The following PLPPR4 variants were observed in gnomAD, a reference collection of about 807,000 sequenced individuals.
The protein encoded by PLPPR4 is phospholipid phosphatase related 4.
A neutral mutation model predicts 56.6 loss-of-function variants in PLPPR4; 24 were observed. The observed-to-expected ratio is 0.42, with a 90% CI of 0.31 to 0.60. The LOEUF (loss-of-function observed/expected upper bound fraction) is 0.60. Among genes scored for constraint, PLPPR4 ranks in the 20% least tolerant of loss-of-function variants. The probability of loss-of-function intolerance (pLI) is 0.13; values close to 1 mark genes in which losing one functional copy is unlikely to be tolerated. For synonymous variants in PLPPR4, 326 were observed against 328.1 expected (o/e 0.99, Z 0.07); for missense variants, 654 against 885.8 (o/e 0.74, Z 3.32).
Position 99,301,787 on chromosome 1 carries a change from T to G in PLPPR4, c.712T>G (p.Phe238Val). 6.2e-7 allele frequency: 1 copy of G among 1,612,570 alleles called. No individual in the cohort carries two copies. The highest frequency in any genetic ancestry group is 8.5e-7 in the Non-Finnish European group (1 of 1,178,866). Reference protein sequence around the residue: ...KLLKPLLVFTFIICGIICGLT... With the variant: ...KLLKPLLVFTVIICGIICGLT... ...TCTGAAACCTCTCTTGGTCTTCACA[T>G]TTATCATCTGTGGAATAATCTGCGG... The change falls in exon 6 of 7, where the codon TTT (phenylalanine) becomes GTT (valine). Residue 238 changes from phenylalanine (F) to valine (V), a missense_variant. Physicochemically the swap from Phe to Val is conservative, Grantham distance 50. Coordinates refer to ENST00000370185, the MANE Select transcript of PLPPR4 (RefSeq NM_014839.5).
intron 3 of PLPPR4, among the ~76,000 whole-genome samples, chr1:99,298,426 T>G (rs1570921911): frequency 6.6e-6 from 1 of 152,244 alleles, no homozygotes; most frequent in East Asian, 1.9e-4. Context: ...AAAAAATAAT[T>G]TGGACCAAGA....
rs1660131277 is a variant in PLPPR4, at chr1:99,309,485, A to G, written c.*2475A>G. 1 of 152,642 alleles carries G rather than the reference A, an allele frequency of 6.6e-6. No individual in the cohort carries two copies. Among genetic ancestry groups the G allele is most frequent in the Non-Finnish European group, 1.5e-5 (1 of 67,988 alleles). 9.5% of individuals were successfully genotyped at this position (152,642 alleles called of 1,614,324 possible). A position where few individuals can be genotyped will look rare whatever the true frequency, so the allele number is the denominator to read the frequency against. The stretch of plus-strand genomic sequence containing the variant: ...TGTTTTCCAAACTGATAAAGTTTGT[A>G]AAGTGCTATAAATGTATTTTGTTAA... On this transcript the variant is annotated 3_prime_UTR_variant, in exon 7 of 7. Coordinates refer to ENST00000370185, the MANE Select transcript of PLPPR4 (RefSeq NM_014839.5).
At chr1:99,285,405 T>C (rs1173595346) in intron 1 of PLPPR4, among the ~76,000 whole-genome samples, 2 of 152,202 alleles carry the variant, frequency 1.3e-5, no homozygotes, top group Non-Finnish European at 2.9e-5. Context: ...ATAATGTGCA[T>C]GCACCACGAA....
In PLPPR4 at chr1:99,289,956, A is replaced by G. The variant is rs536058970; in HGVS notation, c.264+1806A>G. ...TCTGGCCAGAGCAATCAGACAAGAA[A>G]AAGAAATAAAGTGGATTCAAATAGG... On this transcript the variant is annotated intron_variant, in intron 2 of 6. Coordinates refer to ENST00000370185, the MANE Select transcript of PLPPR4 (RefSeq NM_014839.5). Among the ~76,000 whole-genome samples, 5 of 152,310 alleles carry G rather than the reference A, an allele frequency of 3.3e-5. No homozygotes were observed. In the East Asian group the frequency reaches 9.6e-4, roughly 29 times the overall value.
chr1:99,286,976 A>G (rs961006061), intron 1 of PLPPR4, among the ~76,000 whole-genome samples: 3 of 152,122 alleles, frequency 2.0e-5, no homozygotes, highest in Non-Finnish European at 4.4e-5. Flanking sequence ...TTGTTACATA[A>G]GCATATGTGT....
chr1:99,294,762 A>G (rs1444847201), intron 2 of PLPPR4, among the ~76,000 whole-genome samples: 2 of 151,968 alleles, frequency 1.3e-5, no homozygotes, highest in African/African-American at 4.8e-5. Flanking sequence ...TGACTATTGT[A>G]TTGTATGACA....
chr1:99,282,564 A>G (rs76901588), intron 1 of PLPPR4, among the ~76,000 whole-genome samples: 1 of 152,136 alleles, frequency 6.6e-6, no homozygotes, highest in Non-Finnish European at 1.5e-5. Flanking sequence ...ACCCACCATG[A>G]TCATCCTCAA....
intron 1 of PLPPR4, among the ~76,000 whole-genome samples, chr1:99,267,154 A>T (rs961237496): frequency 2.0e-5 from 3 of 152,256 alleles, no homozygotes; most frequent in Admixed American, 6.5e-5. Flanking sequence ...AGGAGAAAAC[A>T]GTCCCTGGTT....
At position 99,307,684 on chromosome 1, in the gene PLPPR4, C is replaced by T. The variant is rs1262578443; in HGVS notation, c.*674C>T. On this transcript the variant is annotated 3_prime_UTR_variant, in exon 7 of 7. Coordinates refer to ENST00000370185, the MANE Select transcript of PLPPR4 (RefSeq NM_014839.5). ...TTCTTCAAAATTCTGCTTTCTTCAA[C>T]ATCAAAAATTGTGTAGAAATATTTT... 1 of 152,170 alleles carries T rather than the reference C, an allele frequency of 6.6e-6. No individual in the cohort carries two copies. The allele number at this position is 152,170 out of a possible 1,614,324, so 9.4% of individuals were successfully genotyped here. A position where few individuals can be genotyped will look rare whatever the true frequency, so the allele number is the denominator to read the frequency against.
At chr1:99,264,769 G>C (rs561733660) in intron 1 of PLPPR4, 98 bp downstream of exon 1, 5 of 1,348,268 alleles carry the variant, frequency 3.7e-6, no homozygotes, top group Middle Eastern at 2.0e-4. Flanking sequence ...AGATCCTGCC[G>C]GGCGCGCGCG....
At chr1:99,275,576 A>T (rs574116695) in intron 1 of PLPPR4, among the ~76,000 whole-genome samples, 10 of 152,214 alleles carry the variant, frequency 6.6e-5, no homozygotes, top group African/African-American at 2.2e-4. Context: ...ATATAGGGAG[A>T]CAGAGCCTGG....
At position 99,264,748 on chromosome 1, in the gene PLPPR4, T is replaced by G. The variant is rs1658848390; in HGVS notation, c.78+77T>G. On this transcript the variant is annotated intron_variant, in intron 1 of 6. Transcript: ENST00000370185. Reference sequence around the variant, plus strand: ...AGCGAATTCAGGTCCTGGACAGTGTTGGAGGCGCAGAGATCCTGCCGGGCG... The same window carrying G: ...AGCGAATTCAGGTCCTGGACAGTGTGGGAGGCGCAGAGATCCTGCCGGGCG... The G allele has an allele frequency of 4.0e-6, 6 of 1,488,096 alleles. No individual in the cohort carries two copies. In the South Asian group the frequency reaches 7.3e-5, roughly 18 times the overall value. 92.2% of individuals were successfully genotyped at this position (1,488,096 alleles called of 1,614,324 possible). A position where few individuals can be genotyped will look rare whatever the true frequency, so the allele number is the denominator to read the frequency against.
chr1:99,306,614 C>T lies in PLPPR4; in HGVS notation c.1752C>T (p.Pro584=). 2 of 1,614,074 alleles carry T rather than the reference C, an allele frequency of 1.2e-6. No individual in the cohort carries two copies. The highest frequency in any genetic ancestry group is 1.7e-6 in the Non-Finnish European group (2 of 1,179,998). Residue 584 remains proline (P), a synonymous_variant, in exon 7 of 7, where the codon CCC becomes CCT. Transcript: ENST00000370185. This position sits in a 1 kb window ranked among gnomAD's most constrained non-coding sequence, Gnocchi z 4.0. ...AGGCTCACCCAGAGAACAACAGGCCCATCATACAGATCCCGTCCACTGAAG... is the reference window on the plus strand; with the variant it reads ...AGGCTCACCCAGAGAACAACAGGCCTATCATACAGATCCCGTCCACTGAAG... The part of the protein sequence containing the change: ...RVEAHPENNR[P]IIQIPSTEGE...
intron 1 of PLPPR4, among the ~76,000 whole-genome samples, chr1:99,278,251 C>T (rs1474825669): frequency 6.6e-6 from 1 of 152,066 alleles, no homozygotes; most frequent in Non-Finnish European, 1.5e-5. Flanking sequence ...GCTGTATAAC[C>T]TTATACAAAT....
At chr1:99,274,932 C>T (rs1659144521) in intron 1 of PLPPR4, among the ~76,000 whole-genome samples, 1 of 152,236 alleles carries the variant, frequency 6.6e-6, no homozygotes, top group South Asian at 2.1e-4. Flanking sequence ...GAATATTATG[C>T]TTTCTAAAAA....
At chr1:99,268,761 C>T (rs543031871) in intron 1 of PLPPR4, among the ~76,000 whole-genome samples, 1 of 152,134 alleles carries the variant, frequency 6.6e-6, no homozygotes, top group African/African-American at 2.4e-5. Flanking sequence ...AGCATACCCA[C>T]ACCTTATTAG....
rs535085845 is a variant in PLPPR4 at position 99,306,017 on chromosome 1, G to T, written c.1155G>T (p.Ala385=). The T allele has an allele frequency of 6.2e-6, 10 of 1,614,138 alleles. No homozygotes were observed. The highest frequency in any genetic ancestry group is 1.3e-5 in the African/African-American group (1 of 75,034). Residue 385 remains alanine (A), a synonymous_variant, in exon 7 of 7, where the codon GCG becomes GCT. Transcript: ENST00000370185. The surrounding 1 kb of genome is among the most constrained non-coding windows in gnomAD (Gnocchi z 4.0). ...PSVEDPVRRN[A]SIHASMDSAR... is the part of the protein sequence containing the mutation. ...TAGAAGACCCTGTCAGAAGAAATGC[G>T]AGCATTCATGCCTCTATGGATTCCG...
At chr1:99,266,193 C>T (rs1319001395) in intron 1 of PLPPR4, among the ~76,000 whole-genome samples, 4 of 152,200 alleles carry the variant, frequency 2.6e-5, no homozygotes, top group Admixed American at 2.6e-4. Flanking sequence ...GACCACTTGT[C>T]GCATGGCTAA....
intron 1 of PLPPR4, among the ~76,000 whole-genome samples, chr1:99,272,293 C>CT (rs749747054): frequency 2.6e-5 from 4 of 151,882 alleles, no homozygotes; most frequent in Non-Finnish European, 5.9e-5. Context: ...CTGAGTTAAC[C>CT]TTTGGACACA....
Sources: gnomAD v4.1 joint callset for allele counts (sites outside exome capture counted in the v4.1 genomes callset) on GRCh38, gnomAD v4.1.1 for gene constraint, Gnocchi (gnomAD v3.1) non-coding constraint, MANE v1.5 for transcripts, NCBI Gene and HGNC (gene_info 2026-07-23, HGNC 2026-07-21) for gene names.